Variants in DLGAP2 observed in about 807,000 individuals in gnomAD.
DLGAP2 encodes the protein DLG associated protein 2, also known as disks large-associated protein 2.
In DLGAP2, 26 loss-of-function variants were observed where a neutral mutation model predicts 100.3. That is an observed-to-expected ratio of 0.26 (90% confidence interval 0.19 to 0.36). DLGAP2 has a LOEUF of 0.36. Among genes scored for constraint, DLGAP2 ranks in the 10% least tolerant of loss-of-function variants. DLGAP2 has a pLI of 1.00. For synonymous variants in DLGAP2, 886 were observed against 630.1 expected, an observed-to-expected ratio of 1.41 and a Z score of -6.08; for missense variants, 1,858 against 1,453.2, an observed-to-expected ratio of 1.28 and a Z score of -4.53.
intron 1 of DLGAP2, among the ~76,000 whole-genome samples, chr8:850,310 G>A (rs555857113): frequency 6.6e-6 from 1 of 152,070 alleles, no homozygotes; most frequent in South Asian, 2.1e-4. Context: ...TTATCTCAAA[G>A]CAATTTTTTG....
chr8:1,487,748 T>C (rs557882043), intron 3 of DLGAP2, among the ~76,000 whole-genome samples: 9 of 152,196 alleles, frequency 5.9e-5, no homozygotes, highest in Non-Finnish European at 1.3e-4. Context: ...GTCCCAAGCA[T>C]GCACCACACA....
intron 2 of DLGAP2, among the ~76,000 whole-genome samples, chr8:1,050,374 C>T (rs1160533617): frequency 6.6e-6 from 1 of 152,216 alleles, no homozygotes; most frequent in Non-Finnish European, 1.5e-5. Context: ...ATATATCCAA[C>T]ACTTTAGTAT....
intron 2 of DLGAP2, among the ~76,000 whole-genome samples, chr8:1,162,077 C>T (rs980481235): frequency 6.6e-6 from 1 of 152,216 alleles, no homozygotes; most frequent in African/African-American, 2.4e-5. Flanking sequence ...GAAGTTCCAG[C>T]TGATTCTTAT....
intron 2 of DLGAP2, among the ~76,000 whole-genome samples, chr8:1,211,874 C>T (rs757620625): frequency 1.3e-5 from 2 of 152,142 alleles, no homozygotes; most frequent in African/African-American, 2.4e-5. Context: ...GACTTCGTCT[C>T]AAAAAATAAA....
intron 3 of DLGAP2, among the ~76,000 whole-genome samples, chr8:1,491,615 C>G (rs994040499): frequency 1.1e-4 from 16 of 152,166 alleles, no homozygotes; most frequent in African/African-American, 3.9e-4. Context: ...GTGCAGGGGA[C>G]CTAACGCCGC....
chr8:1,186,840 C>T lies in DLGAP2; in HGVS notation c.74-72011C>T, dbSNP rs527838048. 6.6e-5 allele frequency among the ~76,000 whole-genome samples: 10 copies of T among 152,268 alleles called. No individual in the cohort carries two copies. The East Asian group carries it at 1.9e-3, about 29-fold the overall frequency. ...CTTGGCTTTGCCTTTTTGTCTTCTT[C>T]CTGCTCTTCTCACTCACCTTCACAT... On this transcript the variant is annotated intron_variant, in intron 2 of 14. Transcript: ENST00000637795.
At chr8:1,483,436 GTGT>G (rs1347919953) in intron 3 of DLGAP2, among the ~76,000 whole-genome samples, 4 of 151,184 alleles carry the variant, frequency 2.6e-5, no homozygotes, top group Non-Finnish European at 5.9e-5. Flanking sequence ...CTGAACTGCT[GTGT>G]AAGAGGCTCA....
At chr8:1,027,583 G>A (rs56253516) in intron 2 of DLGAP2, among the ~76,000 whole-genome samples, 12 of 148,430 alleles carry the variant, frequency 8.1e-5, no homozygotes, top group Admixed American at 8.0e-4. Flanking sequence ...TATTCTCCAG[G>A]TGGGGTGCCA....
At chr8:1,428,157 A>T (rs1007980072) in intron 3 of DLGAP2, among the ~76,000 whole-genome samples, 2 of 95,102 alleles carry the variant, frequency 2.1e-5, no homozygotes, top group African/African-American at 6.2e-5. Flanking sequence ...CAAAATAGAA[A>T]ACAAAATGCT....
At position 1,618,792 on chromosome 8, in the gene DLGAP2, G is replaced by A. The variant is rs544953308; in HGVS notation, c.1443-7948G>A. On this transcript the variant is annotated intron_variant, in intron 6 of 14. Transcript: ENST00000637795. Reference sequence around the variant, plus strand: ...GCACCTTCAGCATTCTTGATATTTGGGGCCAGACGATTCTCTCTTGTTGGG... The same window carrying A: ...GCACCTTCAGCATTCTTGATATTTGAGGCCAGACGATTCTCTCTTGTTGGG... 2.0e-5 allele frequency among the ~76,000 whole-genome samples: 3 copies of A among 152,176 alleles called. No homozygotes were observed. In the South Asian group the frequency reaches 6.2e-4, roughly 32 times the overall value.
At chr8:1,012,356 C>T (rs928376485) in intron 2 of DLGAP2, among the ~76,000 whole-genome samples, 3 of 152,246 alleles carry the variant, frequency 2.0e-5, no homozygotes, top group African/African-American at 7.2e-5. Context: ...CACACAGATA[C>T]TGTACTGTGA....
chr8:1,246,023 A>T (rs1320465326), intron 2 of DLGAP2, among the ~76,000 whole-genome samples: 1 of 152,214 alleles, frequency 6.6e-6, no homozygotes, highest in Non-Finnish European at 1.5e-5. Context: ...CTCAAATTTC[A>T]TGTTGATATT....
intron 1 of DLGAP2, among the ~76,000 whole-genome samples, chr8:885,845 A>G (rs1454158735): frequency 3.3e-5 from 5 of 152,192 alleles, no homozygotes; most frequent in African/African-American, 9.6e-5. Context: ...CATCAGGAAT[A>G]TTGGCCTGAA....
chr8:1,481,453 C>G (rs372760277), intron 3 of DLGAP2, among the ~76,000 whole-genome samples: 1 of 90,030 alleles, frequency 1.1e-5, no homozygotes, highest in Non-Finnish European at 2.4e-5. Flanking sequence ...ATTGGATTTT[C>G]TTTTTCTTTT....
chr8:822,088 C>T (rs1796593710), intron 1 of DLGAP2: 5 of 399,010 alleles, frequency 1.3e-5, no homozygotes, highest in Non-Finnish European at 2.2e-5. Flanking sequence ...CATTCCTCAC[C>T]TAGGCTTTCT....
At chr8:1,233,771 G>C (rs1201343563) in intron 2 of DLGAP2, among the ~76,000 whole-genome samples, 3 of 152,178 alleles carry the variant, frequency 2.0e-5, no homozygotes, top group Non-Finnish European at 4.4e-5. Flanking sequence ...GGTCTCACTG[G>C]GAGCTGTACT....
chr8:1,460,489 G>C (rs956106581), intron 3 of DLGAP2, among the ~76,000 whole-genome samples: 1 of 152,140 alleles, frequency 6.6e-6, no homozygotes, highest in East Asian at 1.9e-4. Context: ...AGCAGGGGAC[G>C]CCTCTCCTTC....
chr8:1,456,656 A>G (rs1055934555), intron 3 of DLGAP2, among the ~76,000 whole-genome samples: 2 of 151,928 alleles, frequency 1.3e-5, no homozygotes, highest in Admixed American at 6.6e-5. Flanking sequence ...TCATTAGAAA[A>G]ATAAAATGAG....
chr8:1,417,639 G>T (rs35293493), intron 3 of DLGAP2, among the ~76,000 whole-genome samples: 1 of 114,226 alleles, frequency 8.8e-6, no homozygotes, highest in African/African-American at 3.1e-5. Flanking sequence ...CTCCAGGGGG[G>T]CACGGGGAGC....
Sources: allele counts gnomAD v4.1 joint callset (sites outside exome capture counted in the v4.1 genomes callset), GRCh38; gene constraint gnomAD v4.1.1; transcripts MANE v1.5; gene names NCBI Gene and HGNC (gene_info 2026-07-23, HGNC 2026-07-21).